Variants in AKR1C8 observed in about 807,000 individuals in gnomAD.
AKR1C8 encodes the protein aldo-keto reductase family 1 member C8, also known as aldo-keto reductase family 1 member C-like protein 1.
the AKR1C8 span, among the ~76,000 whole-genome samples, chr10:5,173,715 G>C: frequency 2.0e-5 from 3 of 150,586 alleles, no homozygotes; most frequent in East Asian, 5.8e-4. Flanking sequence ...AGAATAATAA[G>C]CATCACTGTT....
chr10:5,181,749 A>C, the AKR1C8 span, among the ~76,000 whole-genome samples: 1 of 152,210 alleles, frequency 6.6e-6, no homozygotes, highest in African/African-American at 2.4e-5. Context: ...AACTATTGTA[A>C]ACCACAGAAA....
chr10:5,151,557 GTTTTT>G, the AKR1C8 span, among the ~76,000 whole-genome samples: 15 of 132,660 alleles, frequency 1.1e-4, no homozygotes, highest in Admixed American at 5.5e-4. Flanking sequence ...TTCCCTTTGG[GTTTTT>G]TTTTTTTTTT....
the AKR1C8 span, chr10:5,123,308 C>A: frequency 3.9e-6 from 1 of 255,632 alleles, no homozygotes. Context: ...TTCATTGGAG[C>A]TCTTGACCAG....
At chr10:5,182,320 TA>T in the AKR1C8 span, among the ~76,000 whole-genome samples, 1 of 152,200 alleles carries the variant, frequency 6.6e-6, no homozygotes, top group Non-Finnish European at 1.5e-5. Flanking sequence ...TCCCTTTGAA[TA>T]ATCAAACTTA....
the AKR1C8 span, among the ~76,000 whole-genome samples, chr10:5,121,728 T>C: frequency 2.0e-5 from 3 of 152,170 alleles, no homozygotes; most frequent in East Asian, 5.8e-4. Context: ...TGAGTCATTA[T>C]TACATATTTG....
the AKR1C8 span, among the ~76,000 whole-genome samples, chr10:5,174,357 T>C: frequency 6.6e-6 from 1 of 151,906 alleles, no homozygotes; most frequent in South Asian, 2.1e-4. Context: ...AAAATTATAA[T>C]GCCTCTTAGT....
the AKR1C8 span, among the ~76,000 whole-genome samples, chr10:5,148,451 G>C: frequency 2.0e-5 from 3 of 152,112 alleles, no homozygotes; most frequent in Non-Finnish European, 4.4e-5. Flanking sequence ...AAAGAAAAAT[G>C]CAAGTCACAG....
chr10:5,125,069 C>G, the AKR1C8 span, among the ~76,000 whole-genome samples: 339 of 150,280 alleles, frequency 2.3e-3, 4 homozygotes, highest in African/African-American at 7.9e-3. Flanking sequence ...CACGATACAT[C>G]TTATATTTAT....
the AKR1C8 span, among the ~76,000 whole-genome samples, chr10:5,171,603 C>T: frequency 6.6e-6 from 1 of 151,882 alleles, no homozygotes; most frequent in Non-Finnish European, 1.5e-5. Context: ...TACATATTTA[C>T]CTAATTTTAA....
chr10:5,123,552 C>G, the AKR1C8 span: 2 of 680,008 alleles, frequency 2.9e-6, no homozygotes, highest in Non-Finnish European at 4.9e-6. Context: ...AGTGAGGCCC[C>G]TGAATAACAG....
the AKR1C8 span, among the ~76,000 whole-genome samples, chr10:5,130,679 G>A: frequency 2.6e-5 from 4 of 151,794 alleles, no homozygotes; most frequent in Middle Eastern, 0.014. Context: ...TACAACAGCT[G>A]TAAATAAAAT....
the AKR1C8 span, among the ~76,000 whole-genome samples, chr10:5,130,454 G>C: frequency 6.6e-6 from 1 of 151,880 alleles, no homozygotes; most frequent in Admixed American, 6.6e-5. Flanking sequence ...AGTAAGAAAG[G>C]GCATTGAAAT....
At chr10:5,117,883 GC>G in the AKR1C8 span, among the ~76,000 whole-genome samples, 297 of 152,250 alleles carry the variant, frequency 2.0e-3, 1 homozygote, top group African/African-American at 7.0e-3. Context: ...TGAGAGATCT[GC>G]CCCCATGACC....
chr10:5,116,901 G>A, the AKR1C8 span, among the ~76,000 whole-genome samples: 925 of 152,280 alleles, frequency 6.1e-3, 6 homozygotes, highest in African/African-American at 0.021. Context: ...CGTAGCATTC[G>A]TATGTGTGAT....
At chr10:5,137,721 T>C in the AKR1C8 span, among the ~76,000 whole-genome samples, 1 of 152,098 alleles carries the variant, frequency 6.6e-6, no homozygotes, top group African/African-American at 2.4e-5. Context: ...CTATTTTCCA[T>C]GAGTGTCAGC....
At chr10:5,156,552 C>T in the AKR1C8 span, among the ~76,000 whole-genome samples, 4 of 151,862 alleles carry the variant, frequency 2.6e-5, no homozygotes, top group South Asian at 4.2e-4. Context: ...ATCTATCTAT[C>T]TAATGTATTT....
the AKR1C8 span, among the ~76,000 whole-genome samples, chr10:5,160,512 A>T: frequency 6.6e-6 from 1 of 152,194 alleles, no homozygotes; most frequent in South Asian, 2.1e-4. Flanking sequence ...CAAAGATAAC[A>T]TGCTGACTCC....
the AKR1C8 span, chr10:5,155,013 T>C: frequency 2.0e-5 from 3 of 152,144 alleles, no homozygotes; most frequent in African/African-American, 7.2e-5. Context: ...CATTTGAGGG[T>C]CTATTAATCT....
the AKR1C8 span, chr10:5,157,718 C>A: frequency 2.1e-6 from 1 of 472,744 alleles, no homozygotes. Flanking sequence ...CGCAGGGCGA[C>A]CTGGCCTGGG....
Sources: gnomAD v4.1 joint callset for allele counts (sites outside exome capture counted in the v4.1 genomes callset) on GRCh38, gnomAD v4.1.1 for gene constraint, MANE v1.5 for transcripts, NCBI Gene and HGNC (gene_info 2026-07-23, HGNC 2026-07-21) for gene names.